The following SRRM4 variants were observed in gnomAD, a reference collection of about 807,000 sequenced individuals.
SRRM4 encodes the protein serine/arginine repetitive matrix protein 4.
A neutral mutation model predicts 68.9 loss-of-function variants in SRRM4; 33 were observed. That is an observed-to-expected ratio of 0.48 (90% CI 0.36 to 0.64). SRRM4 has a LOEUF of 0.64. SRRM4 is among the 30% of genes least tolerant of loss of function. SRRM4 has a pLI of 0.00. For synonymous variants in SRRM4, 318 were observed against 318.8 expected, an observed-to-expected ratio of 1.00 and a Z score of 0.03; for missense variants, 817 against 827.1, an observed-to-expected ratio of 0.99 and a Z score of 0.15.
At chr12:119,077,317 C>T (rs934887654) in intron 1 of SRRM4, among the ~76,000 whole-genome samples, 5 of 152,116 alleles carry the variant, frequency 3.3e-5, no homozygotes, top group African/African-American at 1.2e-4. Flanking sequence ...CACAACTGTC[C>T]TAGGTGATTT....
At chr12:119,110,965 T>C (rs1472934098) in intron 2 of SRRM4, among the ~76,000 whole-genome samples, 1 of 152,188 alleles carries the variant, frequency 6.6e-6, no homozygotes. Flanking sequence ...TCCTCACCAC[T>C]GCATATTTAA....
chr12:119,138,275 G>A (rs1459863851), intron 8 of SRRM4, among the ~76,000 whole-genome samples: 1 of 152,148 alleles, frequency 6.6e-6, no homozygotes, highest in Non-Finnish European at 1.5e-5. Context: ...GACATACTAA[G>A]GGAGCTAACG....
intron 1 of SRRM4, among the ~76,000 whole-genome samples, chr12:119,019,579 C>T (rs76996418): frequency 6.6e-6 from 1 of 152,170 alleles, no homozygotes; most frequent in East Asian, 1.9e-4. Flanking sequence ...TGCTCATGCA[C>T]CCTGTTACCT....
chr12:119,162,527 G>C lies in SRRM4; in HGVS notation c.*5729G>C, dbSNP rs1393988854. ...TTCAGAGGAGAAAACTGAGGCTCAG[G>C]AGGGGGAGTTGACATGCCCAAGCTC... On this transcript the variant is annotated 3_prime_UTR_variant, in exon 13 of 13. Coordinates refer to ENST00000267260, the MANE Select transcript of SRRM4 (RefSeq NM_194286.4). 1.3e-5 allele frequency: 2 copies of C among 152,178 alleles called. No individual in the cohort carries two copies. 9.4% of individuals were successfully genotyped at this position (152,178 alleles called of 1,614,324 possible).
chr12:119,019,954 C>G lies in SRRM4; in HGVS notation c.131+37941C>G, dbSNP rs372271041. Among the ~76,000 whole-genome samples the G allele has an allele frequency of 8.6e-3, 635 of 74,162 alleles. 40 individuals carry two copies. Among genetic ancestry groups the G allele is most frequent in the African/African-American group, 0.027 (587 of 21,810 alleles). The allele number at this position is 74,162 out of a possible 152,430, so 48.7% of individuals were successfully genotyped here. On this transcript the variant is annotated intron_variant, in intron 1 of 12. Transcript: ENST00000267260. Reference sequence around the variant, plus strand: ...CTCTGGACAGTTCCCCCCGCTCCCCCCCCCCCCAAAAAAAAATCACACACA... The same window carrying G: ...CTCTGGACAGTTCCCCCCGCTCCCCGCCCCCCCAAAAAAAAATCACACACA...
intron 9 of SRRM4, among the ~76,000 whole-genome samples, chr12:119,149,626 A>C (rs1954426539): frequency 6.6e-6 from 1 of 152,228 alleles, no homozygotes; most frequent in Non-Finnish European, 1.5e-5. Flanking sequence ...GTCAAGCTAA[A>C]GCCAGAATCA....
intron 1 of SRRM4, among the ~76,000 whole-genome samples, chr12:119,063,730 A>G (rs1238911534): frequency 6.6e-6 from 1 of 152,250 alleles, no homozygotes; most frequent in African/African-American, 2.4e-5. Context: ...TATTATGAGT[A>G]AGAGTGAAAG....
chr12:119,009,118 T>C (rs1202543817), intron 1 of SRRM4, among the ~76,000 whole-genome samples: 1 of 152,060 alleles, frequency 6.6e-6, no homozygotes, highest in Non-Finnish European at 1.5e-5. Context: ...ACACAATCAT[T>C]AGCAAAGCTT....
chr12:119,061,485 G>A (rs1244646452), intron 1 of SRRM4, among the ~76,000 whole-genome samples: 1 of 152,144 alleles, frequency 6.6e-6, no homozygotes, highest in Non-Finnish European at 1.5e-5. Context: ...TGTTGCAGCC[G>A]TCCTTGCCTA....
intron 1 of SRRM4, among the ~76,000 whole-genome samples, chr12:119,019,083 G>T (rs943896317): frequency 6.6e-6 from 1 of 152,096 alleles, no homozygotes; most frequent in Non-Finnish European, 1.5e-5. Flanking sequence ...AACCTTCCTG[G>T]TCTGCTCCCC....
intron 2 of SRRM4, among the ~76,000 whole-genome samples, chr12:119,111,327 C>A (rs999662886): frequency 6.6e-6 from 1 of 151,778 alleles, no homozygotes; most frequent in Non-Finnish European, 1.5e-5. Flanking sequence ...AAATGTAGAC[C>A]TACCAGGGTA....
chr12:118,995,814 T>G (rs1194651747), intron 1 of SRRM4, among the ~76,000 whole-genome samples: 1 of 152,194 alleles, frequency 6.6e-6, no homozygotes, highest in East Asian at 1.9e-4. Flanking sequence ...ATCATGCATT[T>G]ACTCATCATC....
intron 2 of SRRM4, among the ~76,000 whole-genome samples, chr12:119,107,972 A>T (rs1160749429): frequency 6.6e-6 from 1 of 152,202 alleles, no homozygotes; most frequent in Non-Finnish European, 1.5e-5. Context: ...ATTTCCCTCT[A>T]CACACTGCTT....
chr12:119,076,764 A>G (rs1337861283), intron 1 of SRRM4, among the ~76,000 whole-genome samples: 1 of 152,240 alleles, frequency 6.6e-6, no homozygotes, highest in Non-Finnish European at 1.5e-5. Context: ...AGCCAAACAC[A>G]CAGAATCTCT....
chr12:119,112,713 A>T (rs368596776), intron 2 of SRRM4, among the ~76,000 whole-genome samples: 14 of 152,182 alleles, frequency 9.2e-5, no homozygotes, highest in African/African-American at 3.1e-4. Context: ...CAGAAAACCA[A>T]ATACTGCATG....
At chr12:119,143,101 C>A (rs375175893) in intron 8 of SRRM4, among the ~76,000 whole-genome samples, 2 of 152,342 alleles carry the variant, frequency 1.3e-5, no homozygotes, top group African/African-American at 4.8e-5. Context: ...TAGACTATCA[C>A]CTTGCCTGTA....
At chr12:119,142,190 CAA>C (rs1199920008) in intron 8 of SRRM4, among the ~76,000 whole-genome samples, 1 of 152,150 alleles carries the variant, frequency 6.6e-6, no homozygotes, top group Non-Finnish European at 1.5e-5. Context: ...TCATCCATGT[CAA>C]AGAGTTTAGA....
At chr12:119,156,442 C>T in intron 12 of SRRM4, 53 bp from the exon 13 acceptor site, 1 of 1,518,830 alleles carries the variant, frequency 6.6e-7, no homozygotes, top group Non-Finnish European at 8.8e-7. Flanking sequence ...GGGCTCGCTG[C>T]GGGGAGGCAC....
intron 9 of SRRM4, among the ~76,000 whole-genome samples, chr12:119,147,556 T>C (rs1029684060): frequency 1.3e-5 from 2 of 152,214 alleles, no homozygotes; most frequent in African/African-American, 4.8e-5. Flanking sequence ...AGGCTGTGCG[T>C]GTGTAGCAGC....
Sources: gnomAD v4.1 joint callset for allele counts (sites outside exome capture counted in the v4.1 genomes callset) on GRCh38, gnomAD v4.1.1 for gene constraint, MANE v1.5 for transcripts, NCBI Gene and HGNC (gene_info 2026-07-23, HGNC 2026-07-21) for gene names.